Variants in ZEB2 observed in about 807,000 individuals in gnomAD.
ZEB2 encodes the protein zinc finger E-box binding homeobox 2, also known as zinc finger E-box-binding homeobox 2.
A neutral mutation model predicts 99.9 loss-of-function variants in ZEB2; 6 were observed. The ratio of observed to expected loss-of-function variants is 0.06; its 90% CI spans 0.03 to 0.12. The LOEUF (loss-of-function observed/expected upper bound fraction) is 0.12, where lower values mean the gene tolerates loss of function less well. Among genes scored for constraint, ZEB2 ranks in the 10% least tolerant of loss-of-function variants. The pLI is 1.00. For synonymous variants in ZEB2, 517 were observed against 542.5 expected (o/e 0.95, Z 0.65); for missense variants, 969 against 1,502.8 (o/e 0.64, Z 5.87).
At chr2:144,489,818 AG>A (rs571077256) in intron 2 of ZEB2, among the ~76,000 whole-genome samples, 1 of 152,210 alleles carries the variant, frequency 6.6e-6, no homozygotes, top group Non-Finnish European at 1.5e-5. Context: ...AGAACACAAA[AG>A]GAAAAAAAAT....
At chr2:144,463,517 T>A (rs942855433) in intron 2 of ZEB2, 1 of 152,076 alleles carries the variant, frequency 6.6e-6, no homozygotes, top group Admixed American at 6.6e-5. Flanking sequence ...TGCCATAGTT[T>A]CAAATAGCAC....
chr2:144,505,337 G>T (rs934920276), intron 2 of ZEB2, among the ~76,000 whole-genome samples: 4 of 152,118 alleles, frequency 2.6e-5, no homozygotes, highest in African/African-American at 7.2e-5. Context: ...GAAAGCAAGT[G>T]GTTTTCAAGT....
chr2:144,517,144 G>C, intron 2 of ZEB2, 134 bp downstream of exon 2: 3 of 975,228 alleles, frequency 3.1e-6, no homozygotes, highest in Non-Finnish European at 4.2e-6. Context: ...CGCCGGCCGC[G>C]GAGGGAGGCT....
At chr2:144,411,491 G>A (rs945573875) in intron 4 of ZEB2, among the ~76,000 whole-genome samples, 3 of 152,228 alleles carry the variant, frequency 2.0e-5, no homozygotes, top group East Asian at 3.9e-4. Context: ...GCATGTATGC[G>A]TTTTTGCAGA....
chr2:144,407,010 C>T (rs547111048), intron 4 of ZEB2, among the ~76,000 whole-genome samples: 3 of 152,260 alleles, frequency 2.0e-5, no homozygotes, highest in East Asian at 3.9e-4. Flanking sequence ...AAGGTACCTC[C>T]CTCAGGTTTA....
At chr2:144,453,778 A>G (rs1704084758) in intron 2 of ZEB2, among the ~76,000 whole-genome samples, 1 of 152,208 alleles carries the variant, frequency 6.6e-6, no homozygotes, top group South Asian at 2.1e-4. Flanking sequence ...CTCAACAAAA[A>G]ACAAAAGAAG....
chr2:144,436,934 C>T (rs909220108), intron 2 of ZEB2, among the ~76,000 whole-genome samples: 5 of 152,110 alleles, frequency 3.3e-5, no homozygotes, highest in Non-Finnish European at 7.4e-5. Context: ...TTTATGATTT[C>T]CCAAAGACTT....
intron 2 of ZEB2, among the ~76,000 whole-genome samples, chr2:144,465,711 A>G (rs1312774431): frequency 1.3e-5 from 2 of 152,210 alleles, no homozygotes; most frequent in Non-Finnish European, 2.9e-5. Context: ...AAATAAGGCC[A>G]AAATGGCAGC....
chr2:144,431,584 A>G (rs1703770181), intron 2 of ZEB2, among the ~76,000 whole-genome samples: 1 of 151,940 alleles, frequency 6.6e-6, no homozygotes. Context: ...TTGAATACCA[A>G]TTGACGGGGG....
At chr2:144,464,567 T>A (rs1438969015) in intron 2 of ZEB2, among the ~76,000 whole-genome samples, 1 of 152,134 alleles carries the variant, frequency 6.6e-6, no homozygotes, top group Non-Finnish European at 1.5e-5. Flanking sequence ...TACTAATGGT[T>A]TTTTTTAATT....
intron 2 of ZEB2, among the ~76,000 whole-genome samples, chr2:144,510,600 G>C (rs1434187227): frequency 6.6e-6 from 1 of 152,052 alleles, no homozygotes; most frequent in Non-Finnish European, 1.5e-5. Flanking sequence ...GCCTGGTGGA[G>C]CATCAGCTAT....
chr2:144,518,970 T>C (rs996637463), intron 1 of ZEB2: 7 of 152,210 alleles, frequency 4.6e-5, no homozygotes, highest in African/African-American at 1.7e-4. Flanking sequence ...GTTAGTAATC[T>C]TGCCTTCATC....
chr2:144,496,752 C>T (rs1021646892), intron 2 of ZEB2: 4 of 152,080 alleles, frequency 2.6e-5, no homozygotes, highest in Non-Finnish European at 4.4e-5. Flanking sequence ...ATTGTTGGGG[C>T]GAGATCAGAT....
At chr2:144,444,662 CT>C (rs1313460989) in intron 2 of ZEB2, among the ~76,000 whole-genome samples, 1 of 152,154 alleles carries the variant, frequency 6.6e-6, no homozygotes, top group Non-Finnish European at 1.5e-5. Flanking sequence ...TGCCTGTATC[CT>C]TGTCACCTGA....
At chr2:144,395,372 C>T (rs562219911) in intron 9 of ZEB2, among the ~76,000 whole-genome samples, 12 of 151,958 alleles carry the variant, frequency 7.9e-5, no homozygotes, top group Admixed American at 1.3e-4. Flanking sequence ...AGCTTTCCCC[C>T]CAAAGTGCTA....
intron 1 of ZEB2, chr2:144,517,769 C>A (rs887255252): frequency 5.8e-6 from 4 of 686,198 alleles, no homozygotes; most frequent in African/African-American, 3.5e-5. Flanking sequence ...AAGTCCTCAG[C>A]CCCCGGCTCG....
chr2:144,424,779 T>C lies in ZEB2; in HGVS notation c.403+17A>G. 6.2e-7 allele frequency: 1 copy of C among 1,614,030 alleles called. No individual in the cohort carries two copies. The highest frequency in any genetic ancestry group is 8.5e-7 in the Non-Finnish European group (1 of 1,179,894). ...ACACAGGACAAATGTGATCTGAGCG[T>C]GGCCAACATAACTCACCTGTACCAT... On this transcript the variant is annotated intron_variant, in intron 4 of 9. Transcript: ENST00000627532.
At chr2:144,517,239 G>T (rs1235487737) in intron 2 of ZEB2, 39 bp downstream of exon 2, 1 of 1,612,054 alleles carries the variant, frequency 6.2e-7, no homozygotes, top group South Asian at 1.1e-5. Context: ...CTCGAGCCGC[G>T]TAGTGGCCCG....
At chr2:144,450,983 TA>T (rs1459722422) in intron 2 of ZEB2, among the ~76,000 whole-genome samples, 1 of 152,198 alleles carries the variant, frequency 6.6e-6, no homozygotes, top group Non-Finnish European at 1.5e-5. Context: ...CAGCCTGGTT[TA>T]TTTTTTTTAA....
Sources: allele counts gnomAD v4.1 joint callset (sites outside exome capture counted in the v4.1 genomes callset), GRCh38; gene constraint gnomAD v4.1.1; transcripts MANE v1.5; gene names NCBI Gene and HGNC (gene_info 2026-07-23, HGNC 2026-07-21).